THBS2: variants seen among roughly 807,000 people sequenced by gnomAD.
THBS2 encodes thrombospondin 2.
Under a neutral mutation model 135.2 loss-of-function variants are expected in THBS2, and 47 were observed. The observed-to-expected ratio is 0.35, with a 90% confidence interval of 0.28 to 0.44. The LOEUF (loss-of-function observed/expected upper bound fraction) is 0.44. Among genes scored for constraint, THBS2 ranks in the 20% least tolerant of loss-of-function variants. The probability of loss-of-function intolerance (pLI) is 1.00; values close to 1 mark genes in which losing one functional copy is unlikely to be tolerated. For missense variants in THBS2, 1,288 were observed against 1,603.1 expected (o/e 0.80, Z 3.36); for synonymous variants, 639 against 633.8 (o/e 1.01, Z -0.12).
chr6:169,221,547 T>C lies in THBS2; in HGVS notation c.3274-20A>G. The C allele has an allele frequency of 6.2e-7, 1 of 1,612,222 alleles. No individual in the cohort carries two copies. Among genetic ancestry groups the C allele is most frequent in the Non-Finnish European group, 8.5e-7 (1 of 1,178,782 alleles). The stretch of plus-strand genomic sequence containing the variant: ...TCGCACCTGAGAGAGAACATAGCAC[T>C]CTTGAGTGCCATGGGCACCCGGAGC... On this transcript the variant is annotated intron_variant, in intron 19 of 21. Transcript: ENST00000617924.
At chr6:169,246,013 G>T in intron 4 of THBS2, 184 bp downstream of exon 4, 2 of 443,482 alleles carry the variant, frequency 4.5e-6, no homozygotes, top group Non-Finnish European at 8.1e-6. Context: ...ATTATTTTCA[G>T]ATATCAACAT....
At chr6:169,233,043 T>C in intron 10 of THBS2, 26 bp from the exon 11 acceptor site, 1 of 1,517,346 alleles carries the variant, frequency 6.6e-7, no homozygotes, top group East Asian at 2.5e-5. Flanking sequence ...CGGAGCAGAG[T>C]TCACCACGCG....
intron 21 of THBS2, among the ~76,000 whole-genome samples, chr6:169,218,081 G>A (rs1443545072): frequency 8.2e-6 from 1 of 122,592 alleles, no homozygotes. Context: ...ATGGGTGGGT[G>A]GATGAAATGG....
chr6:169,237,047 C>G (rs367795482), intron 9 of THBS2, 123 bp downstream of exon 9: 1 of 1,153,298 alleles, frequency 8.7e-7, no homozygotes, highest in African/African-American at 1.6e-5. Context: ...CTTTGCTGCT[C>G]GGCTGGGGCT....
intron 4 of THBS2, among the ~76,000 whole-genome samples, chr6:169,244,038 T>C (rs760232683): frequency 2.6e-5 from 4 of 152,216 alleles, no homozygotes; most frequent in Admixed American, 1.3e-4. Flanking sequence ...AAATGGGACA[T>C]TGGCATCCAC....
At chr6:169,248,096 A>T (rs1020220135) in intron 3 of THBS2, among the ~76,000 whole-genome samples, 1 of 151,670 alleles carries the variant, frequency 6.6e-6, no homozygotes, top group African/African-American at 2.4e-5. Context: ...ATGTATATAC[A>T]TATGCGAGTG....
At position 169,226,222 on chromosome 6, in the gene THBS2, C is replaced by A. The variant is rs1173112316; in HGVS notation, c.2496G>T (p.Gly832=). The change falls in exon 16 of 22, where the codon GGG becomes GGT. Residue 832 remains glycine (G), a synonymous_variant. Coordinates refer to ENST00000617924, the MANE Select transcript of THBS2 (RefSeq NM_003247.5). Reference sequence around the variant, plus strand: ...CCAGGGGGCAGTTGTCACAGTGATCCCCCACACCGTCACCATCCGTGTCCC... The same window carrying A: ...CCAGGGGGCAGTTGTCACAGTGATCACCCACACCGTCACCATCCGTGTCCC... ...DQRDTDGDGV[G]DHCDNCPLVH... 6 of 1,614,150 alleles carry A rather than the reference C, an allele frequency of 3.7e-6. No individual in the cohort carries two copies. Among genetic ancestry groups the A allele is most frequent in the East Asian group, 2.2e-5 (1 of 44,876 alleles).
intron 15 of THBS2, among the ~76,000 whole-genome samples, chr6:169,226,677 A>G (rs1779642030): frequency 6.6e-6 from 1 of 152,220 alleles, no homozygotes; most frequent in Admixed American, 6.5e-5. Context: ...ATCCATGCAC[A>G]TGAGTAGGAA....
intron 3 of THBS2, among the ~76,000 whole-genome samples, chr6:169,247,908 T>A (rs955454173): frequency 6.6e-6 from 1 of 151,780 alleles, no homozygotes; most frequent in Admixed American, 6.6e-5. Context: ...GTGGTGTGCA[T>A]GTGTGCACAT....
chr6:169,241,680 G>A lies in THBS2; in HGVS notation c.891+82C>T, dbSNP rs542586770. On this transcript the variant is annotated intron_variant, in intron 5 of 21. Transcript: ENST00000617924. The surrounding 1 kb of genome is among the most constrained non-coding windows in gnomAD (Gnocchi z 5.5). ...GAGCATGAGGCACTGCCAAGCCAGG[G>A]AATGTTGATACCTGCTGAGATGGGC... 4.3e-6 allele frequency: 6 copies of A among 1,409,822 alleles called. No individual in the cohort carries two copies. In the East Asian group the frequency reaches 9.3e-5, roughly 22 times the overall value. The allele number at this position is 1,409,822 out of a possible 1,614,324, so 87.3% of individuals were successfully genotyped here. A position where few individuals can be genotyped will look rare whatever the true frequency, so the allele number is the denominator to read the frequency against.
chr6:169,226,148 C>G, intron 16 of THBS2, 32 bp downstream of exon 16: 1 of 1,581,900 alleles, frequency 6.3e-7, no homozygotes, highest in Admixed American at 1.7e-5. Flanking sequence ...TGATGAGGAC[C>G]TCCAACCCCG....
rs1389048364 is a variant in THBS2 at position 169,239,630 on chromosome 6, C to T, written c.1098G>A (p.Val366=). The part of the protein sequence containing the change: ...PPATCASPSF[V]EGECCPSCLH... ...GGCAGGAAGGGCAGCATTCGCCTTCCACAAAGGATGGACTGGCGCAGGTTG... is the reference window on the plus strand; with the variant it reads ...GGCAGGAAGGGCAGCATTCGCCTTCTACAAAGGATGGACTGGCGCAGGTTG... Residue 366 remains valine, a synonymous_variant, in exon 7 of 22, where the codon GTG becomes GTA. Coordinates refer to ENST00000617924, the MANE Select transcript of THBS2 (RefSeq NM_003247.5). 3.1e-6 allele frequency: 5 copies of T among 1,606,454 alleles called. No homozygotes were observed. The highest frequency in any genetic ancestry group is 4.2e-6 in the Non-Finnish European group (5 of 1,177,128).
In THBS2 at chr6:169,247,252, T is replaced by C. The variant is rs865980243; in HGVS notation, c.610-971A>G. 4.6e-5 allele frequency among the ~76,000 whole-genome samples: 7 copies of C among 152,180 alleles called. No individual in the cohort carries two copies. The South Asian group carries it at 6.2e-4, about 14-fold the overall frequency. Reference sequence around the variant, plus strand: ...TAGAAAGGCGTGCGTTGTGTGTGTGTGCGCTTGTATGTGGTGTTTGCATGT... The same window carrying C: ...TAGAAAGGCGTGCGTTGTGTGTGTGCGCGCTTGTATGTGGTGTTTGCATGT... On this transcript the variant is annotated intron_variant, in intron 3 of 21. Transcript: ENST00000617924.
rs751168836 is a variant in THBS2 at position 169,252,918 on chromosome 6, C to T, written c.-23+806G>A. ...TGCAGAGAGCTAATTGTTTACCGGC[C>T]GTCCACCACCAACAGCAGTCTGATT... On this transcript the variant is annotated intron_variant, in intron 1 of 21. Coordinates refer to ENST00000617924, the MANE Select transcript of THBS2 (RefSeq NM_003247.5). This position sits in a 1 kb window ranked among gnomAD's most constrained non-coding sequence, Gnocchi z 4.3. Among the ~76,000 whole-genome samples the T allele has an allele frequency of 6.6e-6, 1 of 152,170 alleles. No individual in the cohort carries two copies. The highest frequency in any genetic ancestry group is 2.4e-5 in the African/African-American group (1 of 41,428).
Position 169,217,357 on chromosome 6 carries a change from A to C in THBS2, c.*465T>G, listed in dbSNP as rs542958792. ...TAATGGGATTTGTGTGTCATTGTAG[A>C]GCAACTCTAATTCAAGAATAGTGAC... On this transcript the variant is annotated 3_prime_UTR_variant, in exon 22 of 22. Coordinates refer to ENST00000617924, the MANE Select transcript of THBS2 (RefSeq NM_003247.5). The C allele has an allele frequency of 6.3e-6, 1 of 157,596 alleles. No homozygotes were observed. The highest frequency in any genetic ancestry group is 2.0e-4 in the South Asian group (1 of 4,918). The allele number at this position is 157,596 out of a possible 1,614,324, so 9.8% of individuals were successfully genotyped here.
At chr6:169,238,769 G>C (rs927087972) in intron 7 of THBS2, among the ~76,000 whole-genome samples, 1 of 152,242 alleles carries the variant, frequency 6.6e-6, no homozygotes, top group Non-Finnish European at 1.5e-5. Context: ...CCACATCAGA[G>C]GTAAGGTGCC....
chr6:169,234,841 C>T lies in THBS2; in HGVS notation c.1544G>A (p.Arg515Gln), dbSNP rs139510773. 85 of 1,613,074 alleles carry T rather than the reference C, an allele frequency of 5.3e-5. No homozygotes were observed. The highest frequency in any genetic ancestry group is 6.3e-5 in the Non-Finnish European group (74 of 1,179,754). The change falls in exon 10 of 22, where the codon CGG (arginine) becomes CAG (glutamine). Residue 515 changes from arginine to glutamine, a missense_variant. Physicochemically the swap from Arg to Gln is conservative, Grantham distance 43. Coordinates refer to ENST00000617924, the MANE Select transcript of THBS2 (RefSeq NM_003247.5). ...ACTVTCAGGI[R>Q]ERTRVCNSPE... ...GCTGTTGCAGACCCGGGTGCGCTCC[C>T]GGATCCCACCGGCACAGGTGACAGT... is the stretch of plus-strand genomic sequence containing the variant.
rs1779161565 is a variant in THBS2 at position 169,216,094 on chromosome 6, T to TGAA, written c.*1725_*1727dup. 6.6e-6 allele frequency: 1 copy of TGAA among 152,212 alleles called. No individual in the cohort carries two copies. Among genetic ancestry groups the TGAA allele is most frequent in the Non-Finnish European group, 1.5e-5 (1 of 68,042 alleles). 9.4% of individuals were successfully genotyped at this position (152,212 alleles called of 1,614,324 possible). A position where few individuals can be genotyped will look rare whatever the true frequency, so the allele number is the denominator to read the frequency against. ...CGCTGTTGACAGTCGCTACATTTAA[T>TGAA]GAAGTATCCCAACGCTTCGTTGGTC... On this transcript the variant is annotated 3_prime_UTR_variant, in exon 22 of 22. Transcript: ENST00000617924.
At chr6:169,224,220 TACCA>T (rs1221383050) in intron 17 of THBS2, among the ~76,000 whole-genome samples, 2 of 152,396 alleles carry the variant, frequency 1.3e-5, no homozygotes, top group Non-Finnish European at 2.9e-5. Flanking sequence ...ATACTCCAGC[TACCA>T]CGTGGCAGGC....
Sources: allele counts gnomAD v4.1 joint callset (sites outside exome capture counted in the v4.1 genomes callset), GRCh38; gene constraint gnomAD v4.1.1; non-coding constraint Gnocchi (gnomAD v3.1); transcripts MANE v1.5; gene names NCBI Gene and HGNC (gene_info 2026-07-23, HGNC 2026-07-21).